Variants in ZNF326 observed in about 807,000 individuals in gnomAD.
ZNF326 encodes zinc finger protein 326.
ZNF326 carries 30 observed loss-of-function variants against 63.1 expected under a neutral mutation model. That is an observed-to-expected ratio of 0.48 (90% CI 0.36 to 0.64). ZNF326 has a LOEUF of 0.64. Ranked by LOEUF, ZNF326 falls within the 30% of genes least tolerant of loss-of-function variation. ZNF326 has a pLI of 0.00. For synonymous variants in ZNF326, 194 were observed against 228.2 expected (o/e 0.85, Z 1.35); for missense variants, 609 against 720.3 (o/e 0.85, Z 1.77).
intron 4 of ZNF326, among the ~76,000 whole-genome samples, chr1:90,006,989 G>C (rs1649020934): frequency 6.6e-6 from 1 of 152,192 alleles, no homozygotes; most frequent in Non-Finnish European, 1.5e-5. Flanking sequence ...ATTCAAAAAA[G>C]TTTGAATAGT....
At position 90,010,162 on chromosome 1, in the gene ZNF326, A is replaced by G. The variant is rs1476487201; in HGVS notation, c.690A>G (p.Thr230=). The change falls in exon 6 of 12, where the codon ACA becomes ACG. Residue 230 remains threonine, a synonymous_variant. Coordinates refer to ENST00000340281, the MANE Select transcript of ZNF326 (RefSeq NM_182976.4). ...ATCAAAACAAATCCACCAATGTGAC[A>G]GTTGCTGCTGCAAGAGGAATAAAGA... ...VDYQNKSTNV[T]VAAARGIKRK... is the part of the protein sequence containing the mutation. The G allele has an allele frequency of 1.9e-6, 3 of 1,613,800 alleles. No individual in the cohort carries two copies. The highest frequency in any genetic ancestry group is 2.5e-6 in the Non-Finnish European group (3 of 1,179,860).
In ZNF326 at chr1:90,005,134, G is replaced by A. The variant is rs748985731; in HGVS notation, c.99G>A (p.Gly33=). The A allele has an allele frequency of 2.5e-6, 4 of 1,613,762 alleles. No individual in the cohort carries two copies. The highest frequency in any genetic ancestry group is 3.4e-6 in the Non-Finnish European group (4 of 1,179,952). Residue 33 remains glycine, a splice_region_variant and synonymous_variant, in exon 4 of 12, where the codon GGG becomes GGA. Transcript: ENST00000340281. The part of the protein sequence containing the change: ...DRDYGPGSYG[G]MDRDYGHGSY... ...TTTTTTCTTTTTAAACTCTTATAGGGATGGATCGTGACTATGGCCATGGAT... is the reference window on the plus strand; with the variant it reads ...TTTTTTCTTTTTAAACTCTTATAGGAATGGATCGTGACTATGGCCATGGAT...
Position 90,034,313 on chromosome 1 carries a change from C to T in ZNF326, c.*6612C>T, listed in dbSNP as rs1650402325. ...AAATTAACTCATAAAACACAACCTG[C>T]ACGGCATGGTATCAAATTATGTAAA... On this transcript the variant is annotated 3_prime_UTR_variant, in exon 12 of 12. Transcript: ENST00000340281. The T allele has an allele frequency of 6.6e-6, 1 of 152,118 alleles. No individual in the cohort carries two copies. The highest frequency in any genetic ancestry group is 1.5e-5 in the Non-Finnish European group (1 of 68,008). 9.4% of individuals were successfully genotyped at this position (152,118 alleles called of 1,614,324 possible).
rs1650437339 is a variant in ZNF326, at chr1:90,035,279, A to T, written c.*7578A>T. ...AGTGTGATTGTAGAGACAAACATCCAAGAGAAACAGTTGAAAAACTATTAG... is the reference window on the plus strand; with the variant it reads ...AGTGTGATTGTAGAGACAAACATCCTAGAGAAACAGTTGAAAAACTATTAG... On this transcript the variant is annotated 3_prime_UTR_variant, in exon 12 of 12. Transcript: ENST00000340281. 1 of 152,220 alleles carries T rather than the reference A, an allele frequency of 6.6e-6. No homozygotes were observed. The highest frequency in any genetic ancestry group is 1.5e-5 in the Non-Finnish European group (1 of 68,022). 9.4% of individuals were successfully genotyped at this position (152,220 alleles called of 1,614,324 possible). A position where few individuals can be genotyped will look rare whatever the true frequency, so the allele number is the denominator to read the frequency against.
chr1:90,014,428 A>T (rs1414557432), intron 7 of ZNF326, among the ~76,000 whole-genome samples: 4 of 152,218 alleles, frequency 2.6e-5, no homozygotes, highest in Non-Finnish European at 5.9e-5. Flanking sequence ...AGCTAGTAAT[A>T]ATTTTAAGGA....
At chr1:90,008,569 A>C (rs1388622437) in intron 5 of ZNF326, among the ~76,000 whole-genome samples, 3 of 152,188 alleles carry the variant, frequency 2.0e-5, no homozygotes, top group African/African-American at 4.8e-5. Context: ...AAATTTACCT[A>C]GTAAGTGTAT....
chr1:90,005,398 A>G (rs1478583186), intron 4 of ZNF326, 154 bp downstream of exon 4: 4 of 1,379,980 alleles, frequency 2.9e-6, no homozygotes, highest in Non-Finnish European at 3.8e-6. Flanking sequence ...ATTAATGGGT[A>G]TAAAATTTAA....
rs1261756416 is a variant in ZNF326, at chr1:90,004,199, T to TA, written c.62-803dup. ...GCTTATTGTATTAGTTTTTTTTTTT[T>TA]AGTGTTCACATTGCTAGAATTTGCA... is the stretch of plus-strand genomic sequence containing the variant. On this transcript the variant is annotated intron_variant, in intron 2 of 11. Transcript: ENST00000340281. 7.9e-5 allele frequency among the ~76,000 whole-genome samples: 12 copies of TA among 152,216 alleles called. 1 individual carries two copies. In the East Asian group the frequency reaches 2.3e-3, roughly 29 times the overall value.
At position 90,018,670 on chromosome 1, in the gene ZNF326, T is replaced by C; in HGVS notation, c.1075-15T>C. 6 of 1,478,102 alleles carry C rather than the reference T, an allele frequency of 4.1e-6. No homozygotes were observed. The highest frequency in any genetic ancestry group is 5.6e-6 in the Non-Finnish European group (6 of 1,079,670). The allele number at this position is 1,478,102 out of a possible 1,614,324, so 91.6% of individuals were successfully genotyped here. ...CATTGAAAGCTATTTAGATTCTTTCTATTTTGTTTTCTAGGAGTGTATGGT... is the reference window on the plus strand; with the variant it reads ...CATTGAAAGCTATTTAGATTCTTTCCATTTTGTTTTCTAGGAGTGTATGGT... On this transcript the variant is annotated splice_polypyrimidine_tract_variant and intron_variant, in intron 8 of 11. Coordinates refer to ENST00000340281, the MANE Select transcript of ZNF326 (RefSeq NM_182976.4).
chr1:90,017,687 G>T (rs1438899364), intron 8 of ZNF326, among the ~76,000 whole-genome samples: 1 of 152,136 alleles, frequency 6.6e-6, no homozygotes, highest in Admixed American at 6.5e-5. Context: ...AGTTTCTGCG[G>T]GAGGTGTCCT....
At chr1:90,017,523 AT>A in intron 8 of ZNF326, 59 bp downstream of exon 8, 1 of 1,428,882 alleles carries the variant, frequency 7.0e-7, no homozygotes, top group Non-Finnish European at 9.4e-7. Context: ...TTATGATTTC[AT>A]TTTTCACTCT....
rs1294496015 is a variant in ZNF326, at chr1:90,031,915, G to A, written c.*4214G>A. Reference sequence around the variant, plus strand: ...TTGATGGACAGAAAATGGAGTAACCGTCCAGGCAGGAATGTTCTAGTCTGT... The same window carrying A: ...TTGATGGACAGAAAATGGAGTAACCATCCAGGCAGGAATGTTCTAGTCTGT... On this transcript the variant is annotated 3_prime_UTR_variant, in exon 12 of 12. Transcript: ENST00000340281. The A allele has an allele frequency of 1.3e-5, 2 of 152,266 alleles. No homozygotes were observed. Among genetic ancestry groups the A allele is most frequent in the Admixed American group, 6.5e-5 (1 of 15,284 alleles). 9.4% of individuals were successfully genotyped at this position (152,266 alleles called of 1,614,324 possible).
intron 11 of ZNF326, among the ~76,000 whole-genome samples, chr1:90,023,598 T>C (rs1649873365): frequency 6.6e-6 from 1 of 152,120 alleles, no homozygotes. Context: ...AATCCAATTT[T>C]ATGAGAGGTA....
In ZNF326 at chr1:90,028,231, C is replaced by G. The variant is rs1313599766; in HGVS notation, c.*530C>G. On this transcript the variant is annotated 3_prime_UTR_variant, in exon 12 of 12. Transcript: ENST00000340281. Reference sequence around the variant, plus strand: ...ATAAAATGTTTTTTACGAAAACTTTCTCCCTGGATTAGCAGTTTAAATGAA... The same window carrying G: ...ATAAAATGTTTTTTACGAAAACTTTGTCCCTGGATTAGCAGTTTAAATGAA... 3 of 153,480 alleles carry G rather than the reference C, an allele frequency of 2.0e-5. No homozygotes were observed. Among genetic ancestry groups the G allele is most frequent in the African/African-American group, 4.8e-5 (2 of 41,432 alleles). The allele number at this position is 153,480 out of a possible 1,614,324, so 9.5% of individuals were successfully genotyped here. A position where few individuals can be genotyped will look rare whatever the true frequency, so the allele number is the denominator to read the frequency against.
At position 90,030,733 on chromosome 1, in the gene ZNF326, A is replaced by G. The variant is rs906879711; in HGVS notation, c.*3032A>G. The stretch of plus-strand genomic sequence containing the variant: ...CAGGCTGGAATTCAGTGGCACGATC[A>G]TGGCTTACTGCAGCTTTGACCTCCT... On this transcript the variant is annotated 3_prime_UTR_variant, in exon 12 of 12. Coordinates refer to ENST00000340281, the MANE Select transcript of ZNF326 (RefSeq NM_182976.4). 3 of 149,580 alleles carry G rather than the reference A, an allele frequency of 2.0e-5. No individual in the cohort carries two copies. Among genetic ancestry groups the G allele is most frequent in the Admixed American group, 6.7e-5 (1 of 14,838 alleles). 9.3% of individuals were successfully genotyped at this position (149,580 alleles called of 1,614,324 possible).
chr1:90,013,856 G>T (rs1262764150), intron 7 of ZNF326, among the ~76,000 whole-genome samples: 3 of 152,062 alleles, frequency 2.0e-5, no homozygotes, highest in African/African-American at 7.2e-5. Flanking sequence ...GAGGTCAGGA[G>T]ATCAAGACCA....
Position 90,035,414 on chromosome 1 carries a change from C to T in ZNF326, c.*7713C>T, listed in dbSNP as rs1650441274. 6.6e-6 allele frequency: 1 copy of T among 152,070 alleles called. No individual in the cohort carries two copies. The highest frequency in any genetic ancestry group is 2.1e-4 in the South Asian group (1 of 4,826). 9.4% of individuals were successfully genotyped at this position (152,070 alleles called of 1,614,324 possible). ...CCAATTGGAAATGTAATTTGAAAAT[C>T]CCATTTGCAGCAAAACTTGGAACTG... is the stretch of plus-strand genomic sequence containing the variant. On this transcript the variant is annotated 3_prime_UTR_variant, in exon 12 of 12. Coordinates refer to ENST00000340281, the MANE Select transcript of ZNF326 (RefSeq NM_182976.4).
At chr1:89,998,669 C>T (rs1648520315) in intron 2 of ZNF326, among the ~76,000 whole-genome samples, 1 of 151,994 alleles carries the variant, frequency 6.6e-6, no homozygotes, top group African/African-American at 2.4e-5. Flanking sequence ...AGACTTGTGA[C>T]TATAGAACTA....
intron 7 of ZNF326, among the ~76,000 whole-genome samples, chr1:90,015,069 A>G (rs1265079623): frequency 1.3e-5 from 2 of 152,174 alleles, no homozygotes; most frequent in Admixed American, 6.5e-5. Context: ...TGATATAACC[A>G]AAAGAATGTT....
Sources: gnomAD v4.1 joint callset for allele counts (sites outside exome capture counted in the v4.1 genomes callset) on GRCh38, gnomAD v4.1.1 for gene constraint, MANE v1.5 for transcripts, NCBI Gene and HGNC (gene_info 2026-07-23, HGNC 2026-07-21) for gene names.